TMEM132D: variants seen among roughly 807,000 people sequenced by gnomAD.
TMEM132D encodes transmembrane protein 132D.
In TMEM132D, 21 loss-of-function variants were observed where a neutral mutation model predicts 62.3. The ratio of observed to expected loss-of-function variants is 0.34; its 90% CI spans 0.24 to 0.49. TMEM132D has a LOEUF of 0.49. Ranked by LOEUF, TMEM132D falls within the 20% of genes least tolerant of loss-of-function variation. The pLI, the probability that TMEM132D is intolerant of heterozygous loss-of-function variation, is 0.99. For synonymous variants in TMEM132D, 621 were observed against 575.6 expected (o/e 1.08, Z -1.13); for missense variants, 1,346 against 1,402.8 (o/e 0.96, Z 0.65).
chr12:129,802,605 C>A (rs1318420684), intron 1 of TMEM132D, among the ~76,000 whole-genome samples: 13 of 113,782 alleles, frequency 1.1e-4, no homozygotes, highest in African/African-American at 3.6e-4. Flanking sequence ...CAAAGACCAT[C>A]GAGACTAGGA....
At chr12:129,315,021 T>C (rs931473293) in intron 4 of TMEM132D, among the ~76,000 whole-genome samples, 2 of 152,188 alleles carry the variant, frequency 1.3e-5, no homozygotes, top group Non-Finnish European at 2.9e-5. Context: ...CTGAATTCTT[T>C]CATCAGTTCT....
intron 1 of TMEM132D, among the ~76,000 whole-genome samples, chr12:129,776,567 G>A (rs192674880): frequency 1.3e-5 from 2 of 150,970 alleles, no homozygotes; most frequent in African/African-American, 2.4e-5. Flanking sequence ...TGCTTCATAC[G>A]AAATCACATC....
chr12:129,077,632 CA>C (rs1460437512), intron 8 of TMEM132D, among the ~76,000 whole-genome samples: 1 of 151,770 alleles, frequency 6.6e-6, no homozygotes. Flanking sequence ...AGAAAATACA[CA>C]AGACACACAT....
intron 3 of TMEM132D, among the ~76,000 whole-genome samples, chr12:129,495,982 A>C (rs1874942217): frequency 6.6e-6 from 1 of 152,192 alleles, no homozygotes; most frequent in African/African-American, 2.4e-5. Context: ...TCAGTAAGGC[A>C]GGGGGCTTAG....
chr12:129,453,515 A>C (rs1199886266), intron 3 of TMEM132D, among the ~76,000 whole-genome samples: 1 of 152,236 alleles, frequency 6.6e-6, no homozygotes, highest in Non-Finnish European at 1.5e-5. Flanking sequence ...TGAAGTCAAA[A>C]AAGTAATTTA....
chr12:129,514,595 C>T (rs1875618001), intron 3 of TMEM132D, among the ~76,000 whole-genome samples: 1 of 152,170 alleles, frequency 6.6e-6, no homozygotes, highest in Non-Finnish European at 1.5e-5. Context: ...GCTGAATGAA[C>T]ATGCAGGACT....
intron 2 of TMEM132D, among the ~76,000 whole-genome samples, chr12:129,642,812 C>T (rs1879673733): frequency 6.6e-6 from 1 of 152,132 alleles, no homozygotes; most frequent in Non-Finnish European, 1.5e-5. Context: ...TCTATCTTTA[C>T]CTCCTGTCTT....
At chr12:129,302,289 A>T (rs780755843) in intron 4 of TMEM132D, among the ~76,000 whole-genome samples, 1 of 152,042 alleles carries the variant, frequency 6.6e-6, no homozygotes, top group Non-Finnish European at 1.5e-5. Flanking sequence ...TAATTTTTGT[A>T]GTTTTCGTAG....
chr12:129,195,168 T>C (rs1033852322), intron 5 of TMEM132D, among the ~76,000 whole-genome samples: 1 of 151,864 alleles, frequency 6.6e-6, no homozygotes, highest in African/African-American at 2.4e-5. Flanking sequence ...ACTGGGGAGA[T>C]TTGAGCAGAG....
intron 4 of TMEM132D, among the ~76,000 whole-genome samples, chr12:129,239,565 G>C (rs1383048575): frequency 6.6e-6 from 1 of 152,174 alleles, no homozygotes; most frequent in Non-Finnish European, 1.5e-5. Flanking sequence ...ATGTAGTCAA[G>C]TTAAGACCCT....
At chr12:129,783,075 C>A (rs1421076721) in intron 1 of TMEM132D, among the ~76,000 whole-genome samples, 3 of 152,214 alleles carry the variant, frequency 2.0e-5, no homozygotes, top group Non-Finnish European at 2.9e-5. Context: ...AAAATCATAA[C>A]ATCATTCTGC....
intron 3 of TMEM132D, among the ~76,000 whole-genome samples, chr12:129,456,485 G>A (rs912019781): frequency 4.6e-5 from 7 of 152,112 alleles, no homozygotes; most frequent in African/African-American, 1.7e-4. Flanking sequence ...TCTTACCGCT[G>A]ACTTCCCAGT....
intron 1 of TMEM132D, among the ~76,000 whole-genome samples, chr12:129,786,400 C>A (rs982186848): frequency 1.3e-5 from 2 of 152,068 alleles, no homozygotes; most frequent in Non-Finnish European, 1.5e-5. Flanking sequence ...GGTAACACCT[C>A]GTGGCGAAAA....
At chr12:129,758,659 T>G (rs957906281) in intron 1 of TMEM132D, among the ~76,000 whole-genome samples, 3 of 152,216 alleles carry the variant, frequency 2.0e-5, no homozygotes, top group South Asian at 2.1e-4. Flanking sequence ...ATAACAGATA[T>G]GAAATTTGGC....
chr12:129,605,476 A>G (rs371234582), intron 2 of TMEM132D, among the ~76,000 whole-genome samples: 7 of 151,770 alleles, frequency 4.6e-5, no homozygotes, highest in African/African-American at 1.7e-4. Context: ...ATTCTCCTGA[A>G]TAGTACTTGA....
At chr12:129,741,504 G>C (rs1869602884) in intron 1 of TMEM132D, among the ~76,000 whole-genome samples, 2 of 152,166 alleles carry the variant, frequency 1.3e-5, no homozygotes, top group Admixed American at 1.3e-4. Context: ...AGGGTCTTGA[G>C]AGACTCTGAA....
At chr12:129,785,708 G>C (rs1195626128) in intron 1 of TMEM132D, among the ~76,000 whole-genome samples, 1 of 152,136 alleles carries the variant, frequency 6.6e-6, no homozygotes, top group Non-Finnish European at 1.5e-5. Flanking sequence ...CCAGTCTCTA[G>C]AACTGTGAGG....
chr12:129,901,093 G>A (rs1405078583), intron 1 of TMEM132D, among the ~76,000 whole-genome samples: 2 of 152,060 alleles, frequency 1.3e-5, no homozygotes, highest in African/African-American at 2.4e-5. Context: ...GATAATATGT[G>A]GAAACAGATA....
intron 2 of TMEM132D, among the ~76,000 whole-genome samples, chr12:129,580,738 T>TC (rs779000510): frequency 4.2e-4 from 64 of 151,310 alleles, no homozygotes; most frequent in African/African-American, 1.4e-3. Context: ...TAAAAATAAA[T>TC]AAATAAATAA....
Sources: gnomAD v4.1 joint callset for allele counts (sites outside exome capture counted in the v4.1 genomes callset) on GRCh38, gnomAD v4.1.1 for gene constraint, MANE v1.5 for transcripts, NCBI Gene and HGNC (gene_info 2026-07-23, HGNC 2026-07-21) for gene names.